The following PGM2L1 variants were observed in gnomAD, a reference collection of about 807,000 sequenced individuals.
The protein encoded by PGM2L1 is glucose 1,6-bisphosphate synthase.
In PGM2L1, 35 loss-of-function variants were observed where a neutral mutation model predicts 73.4. That is an observed-to-expected ratio of 0.48 (90% CI 0.36 to 0.63). PGM2L1 has a LOEUF of 0.63. Among genes scored for constraint, PGM2L1 ranks in the 30% least tolerant of loss-of-function variants. The pLI, the probability that PGM2L1 is intolerant of heterozygous loss-of-function variation, is 0.00. For missense variants in PGM2L1, 570 were observed against 742.0 expected, an observed-to-expected ratio of 0.77 and a Z score of 2.69; for synonymous variants, 225 against 253.8, an observed-to-expected ratio of 0.89 and a Z score of 1.08.
intron 1 of PGM2L1, 101 bp downstream of exon 1, chr11:74,397,950 G>T: frequency 7.2e-7 from 1 of 1,390,942 alleles, no homozygotes; most frequent in South Asian, 1.7e-5. Context: ...TCGGTGTCCC[G>T]AGCCATCTCC....
chr11:74,363,895 CAG>C (rs1377292485), intron 5 of PGM2L1, among the ~76,000 whole-genome samples: 2 of 152,092 alleles, frequency 1.3e-5, no homozygotes, highest in Non-Finnish European at 2.9e-5. Flanking sequence ...CAAAGCCTGG[CAG>C]AGACACAACA....
chr11:74,381,783 G>A (rs1011159464), intron 1 of PGM2L1, among the ~76,000 whole-genome samples: 6 of 151,840 alleles, frequency 4.0e-5, no homozygotes, highest in Admixed American at 2.0e-4. Context: ...AGATCAGTAG[G>A]AGTTGGATTG....
At chr11:74,344,034 C>T (rs561408889) in intron 9 of PGM2L1, among the ~76,000 whole-genome samples, 12 of 152,156 alleles carry the variant, frequency 7.9e-5, no homozygotes, top group African/African-American at 2.9e-4. Context: ...CTCAGCCTCC[C>T]AAAGTGCTGG....
At chr11:74,354,824 A>ATTTT in intron 5 of PGM2L1, 1 of 745,614 alleles carries the variant, frequency 1.3e-6, no homozygotes, top group Non-Finnish European at 2.3e-6. Context: ...TTTGAACAGT[A>ATTTT]TGGGAAAAAA....
At chr11:74,351,614 T>C (rs1862355028) in intron 5 of PGM2L1, 38 bp from the exon 6 acceptor site, 2 of 1,507,648 alleles carry the variant, frequency 1.3e-6, no homozygotes, top group African/African-American at 1.4e-5. Flanking sequence ...TTACTTAAAA[T>C]GCTTGCCAGA....
chr11:74,353,730 A>G (rs1397212783), intron 5 of PGM2L1, among the ~76,000 whole-genome samples: 1 of 150,548 alleles, frequency 6.6e-6, no homozygotes, highest in African/African-American at 2.4e-5. Context: ...TCCCACGTCT[A>G]CTTCTTTCTA....
chr11:74,395,882 T>C (rs1054747814), intron 1 of PGM2L1, among the ~76,000 whole-genome samples: 1 of 152,084 alleles, frequency 6.6e-6, no homozygotes, highest in Non-Finnish European at 1.5e-5. Context: ...TTCTTTAATA[T>C]TTCAGTATAT....
intron 1 of PGM2L1, among the ~76,000 whole-genome samples, chr11:74,377,577 T>C (rs1862876288): frequency 6.6e-6 from 1 of 152,134 alleles, no homozygotes; most frequent in Non-Finnish European, 1.5e-5. Context: ...TCCATGCAAA[T>C]ATAAGAGACT....
At chr11:74,343,282 T>C (rs1311207051) in intron 10 of PGM2L1, 41 bp downstream of exon 10, 2 of 1,534,380 alleles carry the variant, frequency 1.3e-6, no homozygotes, top group Non-Finnish European at 1.7e-6. Context: ...ATTTTAAAAA[T>C]TATCAATCAA....
In PGM2L1 at chr11:74,336,427, T is replaced by C. The variant is rs1426460926; in HGVS notation, c.*225A>G. ...ATAATACTTTTAGTGTAATAACTTT[T>C]GTTTGAATTATGAAAAAATTTGAAT... On this transcript the variant is annotated 3_prime_UTR_variant, in exon 14 of 14. Coordinates refer to ENST00000298198, the MANE Select transcript of PGM2L1 (RefSeq NM_173582.6). 1 of 326,500 alleles carries C rather than the reference T, an allele frequency of 3.1e-6. No homozygotes were observed. Among genetic ancestry groups the C allele is most frequent in the East Asian group, 4.7e-5 (1 of 21,242 alleles). 20.2% of individuals were successfully genotyped at this position (326,500 alleles called of 1,614,324 possible).
chr11:74,339,313 A>G (rs1862147894), intron 12 of PGM2L1, among the ~76,000 whole-genome samples: 2 of 152,216 alleles, frequency 1.3e-5, no homozygotes, highest in African/African-American at 4.8e-5. Context: ...AAAAGAAGTG[A>G]TGTTTTACTG....
chr11:74,376,185 T>C (rs1862850320), intron 1 of PGM2L1, among the ~76,000 whole-genome samples: 1 of 152,190 alleles, frequency 6.6e-6, no homozygotes. Flanking sequence ...GAATGTTCAC[T>C]GCAGCATCTG....
At chr11:74,347,885 G>C (rs1433837735) in intron 6 of PGM2L1, among the ~76,000 whole-genome samples, 1 of 152,104 alleles carries the variant, frequency 6.6e-6, no homozygotes, top group Non-Finnish European at 1.5e-5. Context: ...ACTCTGAATG[G>C]ACACCCAATG....
chr11:74,358,051 C>T (rs374226488), intron 5 of PGM2L1, among the ~76,000 whole-genome samples: 10 of 152,212 alleles, frequency 6.6e-5, no homozygotes, highest in African/African-American at 2.2e-4. Context: ...CAGAGAATTC[C>T]GGAGGCAGTA....
chr11:74,346,401 CAG>C (rs1555097721), intron 8 of PGM2L1, among the ~76,000 whole-genome samples: 2 of 150,028 alleles, frequency 1.3e-5, no homozygotes, highest in Non-Finnish European at 3.0e-5. Context: ...TGTATAAAGT[CAG>C]GGGAAAATGC....
chr11:74,337,891 A>G (rs1225353697), intron 13 of PGM2L1, among the ~76,000 whole-genome samples: 1 of 152,120 alleles, frequency 6.6e-6, no homozygotes, highest in Non-Finnish European at 1.5e-5. Context: ...CCAGCAGTTC[A>G]CTCCTAGGTA....
At chr11:74,350,897 AAGAGAGAGAGAGAGAG>A (rs35421915) in intron 6 of PGM2L1, among the ~76,000 whole-genome samples, 4 of 146,334 alleles carry the variant, frequency 2.7e-5, no homozygotes, top group Non-Finnish European at 6.1e-5. Flanking sequence ...GAAAGAAAGA[AAGAGAGAGAGAGAGAG>A]AGAGAAAGAG....
intron 1 of PGM2L1, among the ~76,000 whole-genome samples, chr11:74,389,019 T>C (rs1316045124): frequency 6.6e-6 from 1 of 152,226 alleles, no homozygotes; most frequent in Admixed American, 6.5e-5. Context: ...AACAGGTTTC[T>C]CCATGAGACA....
At chr11:74,379,147 T>C (rs187885420) in intron 1 of PGM2L1, among the ~76,000 whole-genome samples, 2 of 152,310 alleles carry the variant, frequency 1.3e-5, no homozygotes, top group African/African-American at 4.8e-5. Flanking sequence ...AGCACCAGCA[T>C]CTGCTCCACT....
Sources: allele counts gnomAD v4.1 joint callset (sites outside exome capture counted in the v4.1 genomes callset), GRCh38; gene constraint gnomAD v4.1.1; transcripts MANE v1.5; gene names NCBI Gene and HGNC (gene_info 2026-07-23, HGNC 2026-07-21).